The following SYNE1 variants were observed in gnomAD, a reference collection of about 807,000 sequenced individuals.
The protein encoded by SYNE1 is nesprin-1.
In SYNE1, 616 loss-of-function variants were observed where a neutral mutation model predicts 1,111.0. The observed-to-expected ratio is 0.55, with a 90% CI of 0.52 to 0.59. The LOEUF is 0.59. Among genes scored for constraint, SYNE1 ranks in the 20% least tolerant of loss-of-function variants. SYNE1 has a pLI of 0.00. For synonymous variants in SYNE1, 3,855 were observed against 3,825.8 expected, an observed-to-expected ratio of 1.01 and a Z score of -0.28; for missense variants, 10,006 against 10,417.0, an observed-to-expected ratio of 0.96 and a Z score of 1.72.
intron 17 of SYNE1, 145 bp downstream of exon 17, chr6:152,465,837 C>A (rs965859406): frequency 1.5e-6 from 1 of 662,962 alleles, no homozygotes; most frequent in East Asian, 2.7e-5. Flanking sequence ...GCCAAGGGAA[C>A]TGAATCCAGT....
At chr6:152,564,368 G>A (rs1056822958) in intron 3 of SYNE1, among the ~76,000 whole-genome samples, 9 of 152,200 alleles carry the variant, frequency 5.9e-5, no homozygotes, top group African/African-American at 2.2e-4. Flanking sequence ...CCAGACAGGA[G>A]CGCAGTGGCA....
chr6:152,194,944 A>G (rs948454833), intron 127 of SYNE1, among the ~76,000 whole-genome samples: 4 of 151,912 alleles, frequency 2.6e-5, no homozygotes, highest in African/African-American at 7.3e-5. Context: ...TTTTTGAGAC[A>G]GAGTCTTGCT....
intron 93 of SYNE1, 26 bp downstream of exon 93, chr6:152,300,615 C>A: frequency 6.2e-7 from 1 of 1,614,008 alleles, no homozygotes; most frequent in Non-Finnish European, 8.5e-7. Flanking sequence ...GAGATTATTG[C>A]TAGAGGAATG....
chr6:152,144,578 A>G (rs1265000475), intron 137 of SYNE1: 1 of 152,302 alleles, frequency 6.6e-6, no homozygotes, highest in African/African-American at 2.4e-5. Flanking sequence ...CAGAACAAAT[A>G]TTAGTAAGCT....
chr6:152,407,181 C>T lies in SYNE1; in HGVS notation c.6556G>A (p.Glu2186Lys). The T allele has an allele frequency of 6.2e-7, 1 of 1,613,988 alleles. No individual in the cohort carries two copies. The highest frequency in any genetic ancestry group is 1.6e-4 in the Middle Eastern group (1 of 6,062). ...ACTCTCAGCCTATCCATGTTTTCTT[C>T]AAGTTTCTCTGATACCTAGGAGAGA... ...DKWLDVSEKLEENMDRLRVSL... is the reference protein window; with the variant it reads ...DKWLDVSEKLKENMDRLRVSL... Residue 2186 changes from glutamate (E) to lysine (K), a missense_variant, in exon 45 of 146, where the codon GAA becomes AAA. By Grantham distance (56) the Glu-to-Lys change is moderately conservative. This residue lies in a region of SYNE1 where 4,955 missense variants were observed against 5,017.2 expected (regional missense o/e 0.99). Transcript: ENST00000367255.
intron 142 of SYNE1, 131 bp from the exon 143 acceptor site, chr6:152,133,619 C>G: frequency 1.1e-6 from 1 of 888,040 alleles, no homozygotes; most frequent in Non-Finnish European, 1.8e-6. Context: ...AGCTCACACA[C>G]TAAAGGATGC....
At chr6:152,545,870 A>G (rs983221620) in intron 3 of SYNE1, 1 of 152,244 alleles carries the variant, frequency 6.6e-6, no homozygotes, top group African/African-American at 2.4e-5. Context: ...AACAAATCAC[A>G]CATTTAAAAT....
intron 126 of SYNE1, among the ~76,000 whole-genome samples, chr6:152,203,826 A>G (rs775139605): frequency 1.3e-5 from 2 of 150,704 alleles, no homozygotes; most frequent in Non-Finnish European, 2.9e-5. Flanking sequence ...CCCTCTTCCC[A>G]ATTACCAGAA....
At chr6:152,492,733 C>T (rs1385956798) in intron 11 of SYNE1, among the ~76,000 whole-genome samples, 1 of 152,192 alleles carries the variant, frequency 6.6e-6, no homozygotes, top group Non-Finnish European at 1.5e-5. Context: ...ATCACAGATG[C>T]TTTAGGTAAC....
chr6:152,389,704 G>C (rs1240787261), intron 53 of SYNE1, among the ~76,000 whole-genome samples: 1 of 152,166 alleles, frequency 6.6e-6, no homozygotes, highest in East Asian at 1.9e-4. Flanking sequence ...CTCTACGGCT[G>C]GGCTCTATTC....
chr6:152,263,589 G>T (rs573244754), intron 100 of SYNE1, among the ~76,000 whole-genome samples: 8 of 151,270 alleles, frequency 5.3e-5, no homozygotes, highest in Admixed American at 1.3e-4. Context: ...TGTAGAGACA[G>T]GGTCTCACTA....
chr6:152,325,155 G>A lies in SYNE1; in HGVS notation c.15586C>T (p.Arg5196Ter), dbSNP rs1563075936. 1.9e-6 allele frequency: 3 copies of A among 1,614,194 alleles called. No individual in the cohort carries two copies. Among genetic ancestry groups the A allele is most frequent in the Non-Finnish European group, 2.5e-6 (3 of 1,180,042 alleles). Residue 5196 changes from arginine (R) to a stop codon, truncating the protein, a stop_gained, in exon 81 of 146, where the codon CGA (arginine) becomes TGA (stop). Coordinates refer to ENST00000367255, the MANE Select transcript of SYNE1 (RefSeq NM_182961.4). LOFTEE classifies it high-confidence loss of function. Reference sequence around the variant, plus strand: ...TTCTCCTGGTCCTGGGCCACAGCTCGAAGGCGTGTCCAGCGCTGCCAGACG... The same window carrying A: ...TTCTCCTGGTCCTGGGCCACAGCTCAAAGGCGTGTCCAGCGCTGCCAGACG... ...TTVWQRWTRL[R>*]AVAQDQEKIL...
intron 140 of SYNE1, among the ~76,000 whole-genome samples, chr6:152,138,098 C>T (rs1454021760): frequency 2.0e-5 from 3 of 152,162 alleles, no homozygotes; most frequent in Non-Finnish European, 4.4e-5. Flanking sequence ...GTAAATCTCT[C>T]TCACGTGGTA....
chr6:152,367,407 G>A (rs374233139), intron 61 of SYNE1, 25 bp from the exon 62 acceptor site: 36 of 1,612,256 alleles, frequency 2.2e-5, no homozygotes, highest in Admixed American at 1.3e-4. Context: ...AATGGTTTTC[G>A]AGCTGTCCAT....
chr6:152,237,025 G>A (rs777731153), intron 108 of SYNE1, 77 bp from the exon 109 acceptor site: 298 of 1,555,210 alleles, frequency 1.9e-4, no homozygotes, highest in East Asian at 1.7e-3. Context: ...TGCAAAATAC[G>A]TGCCTGACAG....
Position 152,456,140 on chromosome 6 carries a change from A to G in SYNE1, c.2569-96T>C, listed in dbSNP as rs181779077. 3.0e-6 allele frequency: 4 copies of G among 1,351,794 alleles called. No homozygotes were observed. In the African/African-American group the frequency reaches 4.3e-5, roughly 15 times the overall value. 83.7% of individuals were successfully genotyped at this position (1,351,794 alleles called of 1,614,324 possible). A position where few individuals can be genotyped will look rare whatever the true frequency, so the allele number is the denominator to read the frequency against. ...CATTACAGATAATAAGAACAACATT[A>G]TATAGCTTTTAGGCTTCTAACACCA... On this transcript the variant is annotated intron_variant, in intron 22 of 145. Coordinates refer to ENST00000367255, the MANE Select transcript of SYNE1 (RefSeq NM_182961.4).
At chr6:152,192,800 C>T (rs774798860) in intron 127 of SYNE1, among the ~76,000 whole-genome samples, 2 of 151,984 alleles carry the variant, frequency 1.3e-5, no homozygotes, top group Admixed American at 6.6e-5. Context: ...GAATTAACCC[C>T]TTTTTCATCA....
At chr6:152,165,095 A>C (rs551912746) in intron 130 of SYNE1, among the ~76,000 whole-genome samples, 3 of 143,610 alleles carry the variant, frequency 2.1e-5, no homozygotes, top group African/African-American at 7.7e-5. Context: ...CCCCCACATT[A>C]CTTCCAGGCA....
intron 3 of SYNE1, among the ~76,000 whole-genome samples, chr6:152,623,113 C>T (rs1167657763): frequency 2.0e-5 from 3 of 150,914 alleles, no homozygotes; most frequent in Non-Finnish European, 4.4e-5. Flanking sequence ...TGCAGGGCTA[C>T]AGTAACCAAA....
Sources: gnomAD v4.1 joint callset for allele counts (sites outside exome capture counted in the v4.1 genomes callset) on GRCh38, gnomAD v4.1.1 for gene constraint, gnomAD v4.1.1 regional missense constraint, MANE v1.5 for transcripts, NCBI Gene and HGNC (gene_info 2026-07-23, HGNC 2026-07-21) for gene names.